LAMC1: variants seen among roughly 807,000 people sequenced by gnomAD.
LAMC1 encodes the protein laminin subunit gamma-1.
In LAMC1, 38 loss-of-function variants were observed where a neutral mutation model predicts 173.6. That is an observed-to-expected ratio of 0.22 (90% confidence interval 0.17 to 0.29). LAMC1 has a LOEUF of 0.29. Ranked by LOEUF, LAMC1 falls within the 10% of genes least tolerant of loss-of-function variation. LAMC1 has a pLI of 1.00. For missense variants in LAMC1, 1,824 were observed against 2,051.8 expected (o/e 0.89, Z 2.14); for synonymous variants, 746 against 749.1 (o/e 1.00, Z 0.07).
rs781272691 is a variant in LAMC1 at position 183,116,594 on chromosome 1, C to G, written c.1346C>G (p.Pro449Arg). ...TTGAATAGGCCATGCTCTTGTGATC[C>G]CTCTGGCAGCATAGATGAATGTAAT... ...EAGCRPCSCD[P>R]SGSIDECNIE... Residue 449 changes from proline (P) to arginine (R), a missense_variant, in exon 7 of 28, where the codon CCC becomes CGC. Transcript: ENST00000258341. The G allele has an allele frequency of 6.2e-6, 10 of 1,609,806 alleles. No individual in the cohort carries two copies. Among genetic ancestry groups the G allele is most frequent in the Admixed American group, 5.0e-5 (3 of 59,912 alleles).
intron 12 of LAMC1, 27 bp from the exon 13 acceptor site, chr1:183,122,036 G>A (rs563276944): frequency 4.3e-5 from 70 of 1,610,122 alleles, no homozygotes; most frequent in Admixed American, 4.3e-4. Context: ...ACATTTGCCT[G>A]TTTTCTCACG....
chr1:183,106,313 A>C (rs1431187385), intron 2 of LAMC1, among the ~76,000 whole-genome samples: 1 of 152,268 alleles, frequency 6.6e-6, no homozygotes, highest in Non-Finnish European at 1.5e-5. Flanking sequence ...AGCTATTTAC[A>C]TTACAGATGA....
chr1:183,125,097 G>T (rs934045455), intron 14 of LAMC1: 2 of 600,418 alleles, frequency 3.3e-6, no homozygotes, highest in Non-Finnish European at 5.8e-6. Flanking sequence ...CAGGTGAAAT[G>T]AATACTAATG....
chr1:183,116,992 C>T, intron 8 of LAMC1, 89 bp downstream of exon 8: 1 of 1,304,188 alleles, frequency 7.7e-7, no homozygotes, highest in Non-Finnish European at 1.1e-6. Context: ...TCTTTGAGGG[C>T]TTTTTGATGG....
At chr1:183,124,179 C>T (rs1656556141) in intron 13 of LAMC1, among the ~76,000 whole-genome samples, 1 of 152,202 alleles carries the variant, frequency 6.6e-6, no homozygotes, top group South Asian at 2.1e-4. Flanking sequence ...CAAGGATTAG[C>T]ACATGCCTCT....
At position 183,024,039 on chromosome 1, in the gene LAMC1, A is replaced by T; in HGVS notation, c.323A>T (p.Asp108Val). The T allele has an allele frequency of 6.2e-7, 1 of 1,612,866 alleles. No homozygotes were observed. ...CAGCACGGGGCAGCCTTCCTGACCG[A>T]CTACAACAACCAGGCCGACACCACC... is the stretch of plus-strand genomic sequence containing the variant. ...HLQHGAAFLTDYNNQADTTWW... is the reference protein window; with the variant it reads ...HLQHGAAFLTVYNNQADTTWW... Residue 108 changes from aspartate to valine, a missense_variant, in exon 1 of 28, where the codon GAC becomes GTC. Asp to Val is a radical substitution (Grantham distance 152). Transcript: ENST00000258341.
At chr1:183,133,217 T>A (rs1172013909) in intron 21 of LAMC1, among the ~76,000 whole-genome samples, 189 bp from the exon 22 acceptor site, 1 of 152,118 alleles carries the variant, frequency 6.6e-6, no homozygotes, top group Non-Finnish European at 1.5e-5. Context: ...GGCCAAGCCA[T>A]ACATTATAAA....
At chr1:183,139,198 T>C (rs1657034884) in intron 26 of LAMC1, among the ~76,000 whole-genome samples, 1 of 152,230 alleles carries the variant, frequency 6.6e-6, no homozygotes, top group Non-Finnish European at 1.5e-5. Context: ...AGGGTTTTGG[T>C]TTAGTTCAAA....
chr1:183,030,053 G>A (rs1653809423), intron 1 of LAMC1, among the ~76,000 whole-genome samples: 2 of 152,090 alleles, frequency 1.3e-5, no homozygotes, highest in Non-Finnish European at 2.9e-5. Flanking sequence ...TTTTTAATTG[G>A]TTAGAAAAAA....
intron 26 of LAMC1, chr1:183,138,457 G>A (rs1239986579): frequency 6.6e-6 from 1 of 152,202 alleles, no homozygotes; most frequent in East Asian, 1.9e-4. Context: ...TTTCCAGTTG[G>A]GTGTAGCAAT....
chr1:183,041,939 G>A (rs995390151), intron 1 of LAMC1, among the ~76,000 whole-genome samples: 2 of 152,194 alleles, frequency 1.3e-5, no homozygotes, highest in Non-Finnish European at 2.9e-5. Context: ...GTTTTCCCAT[G>A]ATGGAATTTG....
intron 4 of LAMC1, among the ~76,000 whole-genome samples, chr1:183,111,752 G>A (rs1656160061): frequency 6.6e-6 from 1 of 151,278 alleles, no homozygotes; most frequent in Non-Finnish European, 1.5e-5. Context: ...ATTATTGGCA[G>A]AGGCTGGGAA....
intron 1 of LAMC1, among the ~76,000 whole-genome samples, chr1:183,069,078 A>G (rs1424741727): frequency 1.3e-5 from 2 of 152,190 alleles, no homozygotes; most frequent in Non-Finnish European, 2.9e-5. Context: ...TTTAAAATTC[A>G]ATATGTAACT....
At chr1:183,133,630 C>T in intron 22 of LAMC1, 80 bp downstream of exon 22, 3 of 1,316,458 alleles carry the variant, frequency 2.3e-6, no homozygotes, top group Non-Finnish European at 3.1e-6. Flanking sequence ...CTGCACCTCC[C>T]TCTGTCCTCC....
intron 1 of LAMC1, among the ~76,000 whole-genome samples, chr1:183,068,668 A>G (rs7515822): frequency 0.51 from 77,989 of 151,910 alleles, 20,454 homozygotes; most frequent in South Asian, 0.64. Context: ...TGGGCTGGGC[A>G]CGGTAGCTCA....
intron 1 of LAMC1, among the ~76,000 whole-genome samples, chr1:183,069,774 AC>A (rs1654962451): frequency 6.6e-6 from 1 of 152,100 alleles, no homozygotes; most frequent in South Asian, 2.1e-4. Flanking sequence ...TGCTCCTTGC[AC>A]CTCCCTGGCC....
chr1:183,102,831 G>A (rs779301483), intron 1 of LAMC1, among the ~76,000 whole-genome samples: 17 of 152,100 alleles, frequency 1.1e-4, no homozygotes, highest in Non-Finnish European at 2.4e-4. Context: ...TAACTTGGTA[G>A]ATAAGTAGAA....
At chr1:183,045,473 C>T (rs1485971317) in intron 1 of LAMC1, among the ~76,000 whole-genome samples, 2 of 151,908 alleles carry the variant, frequency 1.3e-5, no homozygotes, top group Non-Finnish European at 1.5e-5. Context: ...TAATTGGCAA[C>T]TTGCCAATTG....
In LAMC1 at chr1:183,023,887, C is replaced by A. The variant is rs926234986; in HGVS notation, c.171C>A (p.Ala57=). The change falls in exon 1 of 28, where the codon GCC becomes GCA. Residue 57 remains alanine, a synonymous_variant. Coordinates refer to ENST00000258341, the MANE Select transcript of LAMC1 (RefSeq NM_002293.4). ...GCTGCATGCCCGAGTTCGTCAACGC[C>A]GCCTTCAACGTGACTGTGGTGGCCA... The part of the protein sequence containing the change: ...PQRCMPEFVN[A]AFNVTVVATN... The A allele has an allele frequency of 1.2e-6, 2 of 1,612,550 alleles. No individual in the cohort carries two copies. Among genetic ancestry groups the A allele is most frequent in the Non-Finnish European group, 1.7e-6 (2 of 1,179,682 alleles).
Sources: gnomAD v4.1 joint callset for allele counts (sites outside exome capture counted in the v4.1 genomes callset) on GRCh38, gnomAD v4.1.1 for gene constraint, MANE v1.5 for transcripts, NCBI Gene and HGNC (gene_info 2026-07-23, HGNC 2026-07-21) for gene names.